Variants in SLC24A2 observed in about 807,000 individuals in gnomAD.
The protein encoded by SLC24A2 is sodium/potassium/calcium exchanger 2.
Under a neutral mutation model 62.0 loss-of-function variants are expected in SLC24A2, and 36 were observed. The observed-to-expected ratio is 0.58, with a 90% CI of 0.44 to 0.77. The LOEUF (loss-of-function observed/expected upper bound fraction) is 0.77. Ranked by LOEUF, SLC24A2 falls within the 30% of genes least tolerant of loss-of-function variation. SLC24A2 has a pLI of 0.00. For missense variants in SLC24A2, 846 were observed against 817.9 expected (o/e 1.03, Z -0.42); for synonymous variants, 358 against 294.0 (o/e 1.22, Z -2.23).
At chr9:19,816,363 C>G in the SLC24A2 span, among the ~76,000 whole-genome samples, 3 of 152,092 alleles carry the variant, frequency 2.0e-5, no homozygotes, top group Non-Finnish European at 4.4e-5. Flanking sequence ...CGCATTACCT[C>G]CAAACACATT....
At chr9:19,597,403 A>T (rs534588549) in intron 4 of SLC24A2, 124 bp from the exon 5 acceptor site, 1 of 739,522 alleles carries the variant, frequency 1.4e-6, no homozygotes, top group Non-Finnish European at 2.5e-6. Context: ...TCGTAACTAT[A>T]TGGAGATGTG....
chr9:20,001,722 G>A, the SLC24A2 span, among the ~76,000 whole-genome samples: 1 of 152,088 alleles, frequency 6.6e-6, no homozygotes, highest in African/African-American at 2.4e-5. Context: ...TTGTTACATG[G>A]ATTTGGGCAT....
intron 2 of SLC24A2, among the ~76,000 whole-genome samples, chr9:19,655,498 G>C (rs569048701): frequency 5.3e-5 from 8 of 152,302 alleles, no homozygotes; most frequent in Non-Finnish European, 1.2e-4. Flanking sequence ...TTCCTAAGCA[G>C]GGAAGGGTGT....
the SLC24A2 span, among the ~76,000 whole-genome samples, chr9:20,269,918 G>A: frequency 2.6e-5 from 4 of 152,260 alleles, no homozygotes; most frequent in South Asian, 8.3e-4. Flanking sequence ...GAGAAAAGAG[G>A]CTTATTTAGC....
chr9:19,746,659 T>A (rs1821841167), intron 2 of SLC24A2, among the ~76,000 whole-genome samples: 1 of 152,168 alleles, frequency 6.6e-6, no homozygotes, highest in South Asian at 2.1e-4. Flanking sequence ...TGAAATCCAG[T>A]ATTTCTGTCC....
the SLC24A2 span, among the ~76,000 whole-genome samples, chr9:20,087,151 A>C: frequency 2.6e-5 from 4 of 152,220 alleles, no homozygotes; most frequent in East Asian, 7.7e-4. Context: ...GAGGATTGGA[A>C]GTTAGAGACA....
chr9:19,624,352 G>A (rs1365382422), intron 2 of SLC24A2, among the ~76,000 whole-genome samples: 2 of 152,182 alleles, frequency 1.3e-5, no homozygotes, highest in South Asian at 4.1e-4. Context: ...GAGAGAAAAA[G>A]GTGGGCTTTA....
At chr9:19,517,955 A>ACT (rs1163561767) in intron 10 of SLC24A2, among the ~76,000 whole-genome samples, 182 of 139,648 alleles carry the variant, frequency 1.3e-3, no homozygotes, top group African/African-American at 4.7e-3. Context: ...ACACACACAC[A>ACT]CACTCTCACA....
rs562120940 is a variant in SLC24A2 at position 19,643,355 on chromosome 9, G to A, written c.931-21056C>T. On this transcript the variant is annotated intron_variant, in intron 2 of 10. Transcript: ENST00000341998. ...ATGTTTTTTAAAATTAATCTTGTTT[G>A]TATAAAGTATATTTAGCTTATTTTT... is the stretch of plus-strand genomic sequence containing the variant. Among the ~76,000 whole-genome samples, 4 of 152,218 alleles carry A rather than the reference G, an allele frequency of 2.6e-5. No homozygotes were observed. The East Asian group carries it at 7.7e-4, about 29-fold the overall frequency.
chr9:20,006,279 C>CTTTT, the SLC24A2 span, among the ~76,000 whole-genome samples: 4 of 151,032 alleles, frequency 2.6e-5, no homozygotes, highest in Admixed American at 2.6e-4. Context: ...ATTTAATATG[C>CTTTT]AATTAAATGT....
the SLC24A2 span, among the ~76,000 whole-genome samples, chr9:20,118,354 ATTTAAG>A: frequency 2.0e-5 from 3 of 152,108 alleles, no homozygotes; most frequent in Non-Finnish European, 4.4e-5. Flanking sequence ...TTTCTGAACA[ATTTAAG>A]TTTAATTCTG....
the SLC24A2 span, among the ~76,000 whole-genome samples, chr9:20,171,304 T>TA: frequency 0.43 from 64,415 of 149,614 alleles, 14,473 homozygotes; most frequent in East Asian, 0.73. Flanking sequence ...AAAAATACAA[T>TA]AAAAAAAAAC....
chr9:19,915,383 C>T, the SLC24A2 span, among the ~76,000 whole-genome samples: 1 of 152,008 alleles, frequency 6.6e-6, no homozygotes, highest in Non-Finnish European at 1.5e-5. Context: ...TGAATAATGT[C>T]CCTATGAACA....
chr9:20,103,160 T>C, the SLC24A2 span, among the ~76,000 whole-genome samples: 2 of 152,142 alleles, frequency 1.3e-5, no homozygotes, highest in Non-Finnish European at 2.9e-5. Flanking sequence ...CACCCACCAT[T>C]GCCCAGGCTT....
the SLC24A2 span, among the ~76,000 whole-genome samples, chr9:19,884,415 T>A: frequency 6.6e-6 from 1 of 151,818 alleles, no homozygotes; most frequent in Non-Finnish European, 1.5e-5. Flanking sequence ...GTTTTCACTC[T>A]TCTGAACACT....
chr9:20,033,089 A>T, the SLC24A2 span, among the ~76,000 whole-genome samples: 2 of 152,072 alleles, frequency 1.3e-5, no homozygotes, highest in South Asian at 2.1e-4. Flanking sequence ...TTAGATTTTC[A>T]GGGTTTAGAA....
the SLC24A2 span, among the ~76,000 whole-genome samples, chr9:20,110,997 T>A: frequency 6.6e-6 from 1 of 152,216 alleles, no homozygotes; most frequent in Non-Finnish European, 1.5e-5. Context: ...ATATACTTGA[T>A]CATAAGGTGA....
chr9:20,260,564 A>G, the SLC24A2 span, among the ~76,000 whole-genome samples: 1 of 152,222 alleles, frequency 6.6e-6, no homozygotes, highest in Non-Finnish European at 1.5e-5. Context: ...CAGGATTAAA[A>G]CACTGTCTTA....
At chr9:20,021,702 C>G in the SLC24A2 span, among the ~76,000 whole-genome samples, 5 of 151,870 alleles carry the variant, frequency 3.3e-5, no homozygotes, top group African/African-American at 9.7e-5. Context: ...CCAACTCCCC[C>G]CTGGCCCCCA....
Sources: gnomAD v4.1 joint callset for allele counts (sites outside exome capture counted in the v4.1 genomes callset) on GRCh38, gnomAD v4.1.1 for gene constraint, MANE v1.5 for transcripts, NCBI Gene and HGNC (gene_info 2026-07-23, HGNC 2026-07-21) for gene names.